PLEKHH2: variants seen among roughly 807,000 people sequenced by gnomAD.
PLEKHH2 encodes the protein pleckstrin homology, MyTH4 and FERM domain containing H2.
In PLEKHH2, 129 loss-of-function variants were observed where a neutral mutation model predicts 187.9. That is an observed-to-expected ratio of 0.69 (90% CI 0.59 to 0.79). The LOEUF (loss-of-function observed/expected upper bound fraction) is 0.79, where lower values mean the gene tolerates loss of function less well. PLEKHH2 is among the 30% of genes least tolerant of loss of function. The pLI is 0.00. For missense variants in PLEKHH2, 2,076 were observed against 1,751.2 expected (o/e 1.19, Z -3.31); for synonymous variants, 686 against 605.6 (o/e 1.13, Z -1.95).
At chr2:43,718,286 TC>T (rs1457386663) in intron 15 of PLEKHH2, among the ~76,000 whole-genome samples, 2 of 152,134 alleles carry the variant, frequency 1.3e-5, no homozygotes, top group Admixed American at 1.3e-4. Context: ...ACAGTGGTAA[TC>T]CCAGCACTTT....
At chr2:43,648,869 C>T (rs766390977) in intron 2 of PLEKHH2, among the ~76,000 whole-genome samples, 5 of 151,980 alleles carry the variant, frequency 3.3e-5, no homozygotes, top group Non-Finnish European at 7.4e-5. Context: ...CGTGAGCCAC[C>T]GTGCCTGGCC....
intron 4 of PLEKHH2, among the ~76,000 whole-genome samples, chr2:43,694,135 C>T (rs1159695825): frequency 6.6e-6 from 1 of 152,136 alleles, no homozygotes; most frequent in Non-Finnish European, 1.5e-5. Flanking sequence ...AATCCTAGAC[C>T]ATTCCCAGAA....
chr2:43,672,211 C>A (rs1667528314), intron 2 of PLEKHH2, among the ~76,000 whole-genome samples: 1 of 152,116 alleles, frequency 6.6e-6, no homozygotes, highest in Admixed American at 6.5e-5. Flanking sequence ...TCTGTGGGGT[C>A]TGTGGTGATG....
intron 1 of PLEKHH2, among the ~76,000 whole-genome samples, chr2:43,642,439 C>G (rs925596457): frequency 1.8e-4 from 27 of 152,078 alleles, no homozygotes; most frequent in African/African-American, 6.5e-4. Flanking sequence ...TCTTCCTGTC[C>G]AATCTAGATG....
intron 18 of PLEKHH2, 86 bp downstream of exon 18, chr2:43,729,831 G>A: frequency 1.2e-6 from 1 of 838,810 alleles, no homozygotes; most frequent in South Asian, 2.6e-5. Flanking sequence ...TCACTTAATG[G>A]GTTCCTGTTT....
At chr2:43,685,739 C>A (rs1668474330) in intron 3 of PLEKHH2, among the ~76,000 whole-genome samples, 1 of 152,084 alleles carries the variant, frequency 6.6e-6, no homozygotes, top group Non-Finnish European at 1.5e-5. Flanking sequence ...ACCACCCACG[C>A]CTGGCCCTAG....
intron 20 of PLEKHH2, among the ~76,000 whole-genome samples, chr2:43,740,147 T>G (rs1204480501): frequency 6.6e-6 from 1 of 152,170 alleles, no homozygotes; most frequent in African/African-American, 2.4e-5. Flanking sequence ...AATATAACGT[T>G]TTAAAAATGA....
intron 3 of PLEKHH2, among the ~76,000 whole-genome samples, chr2:43,691,710 G>C (rs569506998): frequency 5.5e-4 from 83 of 152,176 alleles, no homozygotes; most frequent in African/African-American, 1.9e-3. Context: ...TATTATATTT[G>C]TGATCTCTCT....
chr2:43,724,451 G>A (rs1670639531), intron 16 of PLEKHH2, among the ~76,000 whole-genome samples: 1 of 152,116 alleles, frequency 6.6e-6, no homozygotes, highest in Non-Finnish European at 1.5e-5. Flanking sequence ...CTGGAATAAA[G>A]GTACTAAATT....
rs1238039885 is a variant in PLEKHH2, at chr2:43,712,268, C to G, written c.2345C>G (p.Pro782Arg). The part of the protein sequence containing the change: ...KHTYYLTADS[P>R]NILEEWIKVL... ...ACATACTATCTGACTGCAGATTCTC[C>G]CAATATATTGGAAGAGTGGATTAAA... is the stretch of plus-strand genomic sequence containing the variant. The change falls in exon 15 of 30, where the codon CCC becomes CGC. Residue 782 changes from proline to arginine, a missense_variant. Physicochemically the swap from Pro to Arg is moderately radical, Grantham distance 103. Coordinates refer to ENST00000282406, the MANE Select transcript of PLEKHH2 (RefSeq NM_172069.4). 1 of 1,613,484 alleles carries G rather than the reference C, an allele frequency of 6.2e-7. No homozygotes were observed. The highest frequency in any genetic ancestry group is 1.3e-5 in the African/African-American group (1 of 74,906).
rs1465021230 is a variant in PLEKHH2 at position 43,766,785 on chromosome 2, A to T, written c.*1187A>T. 6.6e-6 allele frequency: 1 copy of T among 152,068 alleles called. No homozygotes were observed. The highest frequency in any genetic ancestry group is 1.5e-5 in the Non-Finnish European group (1 of 68,072). The allele number at this position is 152,068 out of a possible 1,614,324, so 9.4% of individuals were successfully genotyped here. On this transcript the variant is annotated 3_prime_UTR_variant, in exon 30 of 30. Transcript: ENST00000282406. ...TCTAATATTTGTATTTTTAGTAGAG[A>T]CAGGATCTCCCTATGTTGTCCAGCC...
chr2:43,711,346 C>T, intron 14 of PLEKHH2: 1 of 985,350 alleles, frequency 1.0e-6, no homozygotes, highest in Non-Finnish European at 1.2e-6. Flanking sequence ...TGTCTTTGGG[C>T]ATGGCAGTTA....
At chr2:43,655,204 A>G (rs966810460) in intron 2 of PLEKHH2, among the ~76,000 whole-genome samples, 7 of 151,798 alleles carry the variant, frequency 4.6e-5, no homozygotes, top group Non-Finnish European at 1.0e-4. Context: ...AATAATAATA[A>G]TAATAAAGGC....
At position 43,728,858 on chromosome 2, in the gene PLEKHH2, G is replaced by A. The variant is rs978034579; in HGVS notation, c.2722-779G>A. Among the ~76,000 whole-genome samples, 9 of 151,896 alleles carry A rather than the reference G, an allele frequency of 5.9e-5. No individual in the cohort carries two copies. In the East Asian group the frequency reaches 9.7e-4, roughly 16 times the overall value. ...ATTACAGGCATGAGCCACCGTGCCCGGCCTACAATACTCTTTTTAAAATAA... is the reference window on the plus strand; with the variant it reads ...ATTACAGGCATGAGCCACCGTGCCCAGCCTACAATACTCTTTTTAAAATAA... On this transcript the variant is annotated intron_variant, in intron 17 of 29. Coordinates refer to ENST00000282406, the MANE Select transcript of PLEKHH2 (RefSeq NM_172069.4).
chr2:43,720,398 G>A (rs1670425600), intron 15 of PLEKHH2, among the ~76,000 whole-genome samples: 1 of 151,988 alleles, frequency 6.6e-6, no homozygotes, highest in Non-Finnish European at 1.5e-5. Flanking sequence ...CCCAGGTAGT[G>A]AGCATAGTAC....
At chr2:43,726,475 T>C (rs1364649168) in intron 17 of PLEKHH2, 24 bp downstream of exon 17, 1 of 1,552,496 alleles carries the variant, frequency 6.4e-7, no homozygotes, top group Non-Finnish European at 8.9e-7. Flanking sequence ...TATTGGTTGA[T>C]TTAGAATGAT....
At chr2:43,682,939 T>TACACAC (rs148292692) in intron 3 of PLEKHH2, among the ~76,000 whole-genome samples, 111 of 149,848 alleles carry the variant, frequency 7.4e-4, no homozygotes, top group African/African-American at 2.3e-3. Flanking sequence ...GTTCCATATA[T>TACACAC]ACACACACAC....
At chr2:43,676,392 TC>T (rs1425740388) in intron 2 of PLEKHH2, 1 of 1,307,228 alleles carries the variant, frequency 7.6e-7, no homozygotes, top group Non-Finnish European at 1.0e-6. Context: ...TCCCGCGCCT[TC>T]CGGAGCTGGC....
At chr2:43,647,790 C>T (rs1311420141) in intron 2 of PLEKHH2, among the ~76,000 whole-genome samples, 2 of 152,118 alleles carry the variant, frequency 1.3e-5, no homozygotes, top group Non-Finnish European at 2.9e-5. Context: ...GGTGAAGATT[C>T]TTGAGAGAAT....
Sources: gnomAD v4.1 joint callset for allele counts (sites outside exome capture counted in the v4.1 genomes callset) on GRCh38, gnomAD v4.1.1 for gene constraint, MANE v1.5 for transcripts, NCBI Gene and HGNC (gene_info 2026-07-23, HGNC 2026-07-21) for gene names.